Variants in PDE4D observed in about 807,000 individuals in gnomAD.
PDE4D encodes 3',5'-cyclic-AMP phosphodiesterase 4D.
In PDE4D, 24 loss-of-function variants were observed where a neutral mutation model predicts 87.4. That is an observed-to-expected ratio of 0.27 (90% confidence interval 0.20 to 0.39). PDE4D has a LOEUF of 0.39. Ranked by LOEUF, PDE4D falls within the 10% of genes least tolerant of loss-of-function variation. The probability of loss-of-function intolerance (pLI) is 1.00; values close to 1 mark genes in which losing one functional copy is unlikely to be tolerated. For synonymous variants in PDE4D, 384 were observed against 383.2 expected (o/e 1.00, Z -0.02); for missense variants, 714 against 1,041.0 (o/e 0.69, Z 4.32).
intron 1 of PDE4D, among the ~76,000 whole-genome samples, chr5:59,306,437 G>T (rs1771386705): frequency 6.6e-6 from 1 of 152,102 alleles, no homozygotes; most frequent in East Asian, 1.9e-4. Context: ...CATGCTCTTT[G>T]TTGCCTGTAT....
At chr5:59,119,369 C>A (rs367820827) in intron 5 of PDE4D, among the ~76,000 whole-genome samples, 2 of 152,108 alleles carry the variant, frequency 1.3e-5, no homozygotes, top group Non-Finnish European at 2.9e-5. Flanking sequence ...TAGGGGCTAC[C>A]AGCATATGGC....
intron 1 of PDE4D, among the ~76,000 whole-genome samples, chr5:60,209,093 C>T (rs1405139489): frequency 6.6e-6 from 1 of 151,824 alleles, no homozygotes; most frequent in African/African-American, 2.4e-5. Flanking sequence ...GAAGAGAAAT[C>T]TGTGCTGGAA....
chr5:59,797,607 AGGGC>A (rs1766639370), intron 1 of PDE4D, among the ~76,000 whole-genome samples: 1 of 152,144 alleles, frequency 6.6e-6, no homozygotes, highest in African/African-American at 2.4e-5. Flanking sequence ...CCAGAGATAG[AGGGC>A]TGCTGATATT....
intron 2 of PDE4D, among the ~76,000 whole-genome samples, chr5:60,048,343 T>C (rs1769587834): frequency 6.6e-6 from 1 of 152,228 alleles, no homozygotes; most frequent in African/African-American, 2.4e-5. Flanking sequence ...TGTCTTTTAA[T>C]TGGAGCATTT....
rs151170502 is a variant in PDE4D at position 59,748,769 on chromosome 5, G to T, written c.455+144399C>A. Among the ~76,000 whole-genome samples the T allele has an allele frequency of 3.4e-3, 517 of 152,192 alleles. 10 individuals carry two copies. The highest frequency in any genetic ancestry group is 0.03 in the Admixed American group (461 of 15,278). On this transcript the variant is annotated intron_variant, in intron 1 of 14. Transcript: ENST00000340635. ...GTATACATATGTAACAAACCTGCAC[G>T]CTGTGCACATGTTCCCTAGAACTTA...
chr5:59,869,197 T>C (rs1747464767), intron 1 of PDE4D, among the ~76,000 whole-genome samples: 2 of 152,186 alleles, frequency 1.3e-5, no homozygotes, highest in African/African-American at 2.4e-5. Context: ...CAGTAAGCTC[T>C]GAGAGTCCCT....
chr5:59,061,811 A>G (rs1763158200), intron 5 of PDE4D, among the ~76,000 whole-genome samples: 1 of 152,176 alleles, frequency 6.6e-6, no homozygotes, highest in Non-Finnish European at 1.5e-5. Context: ...ATTATGAAAC[A>G]TAAATATCAA....
intron 1 of PDE4D, among the ~76,000 whole-genome samples, chr5:60,303,504 T>C (rs964487852): frequency 1.3e-5 from 2 of 151,904 alleles, no homozygotes; most frequent in African/African-American, 4.8e-5. Context: ...AGACGGGGTT[T>C]CACCGTGTTA....
At chr5:60,111,364 T>G (rs1244237416) in intron 2 of PDE4D, among the ~76,000 whole-genome samples, 1 of 152,036 alleles carries the variant, frequency 6.6e-6, no homozygotes, top group Non-Finnish European at 1.5e-5. Flanking sequence ...AACAATAATA[T>G]TAATGATACT....
At chr5:59,775,515 TTAAA>T (rs1763990969) in intron 1 of PDE4D, among the ~76,000 whole-genome samples, 1 of 151,394 alleles carries the variant, frequency 6.6e-6, no homozygotes, top group African/African-American at 2.5e-5. Context: ...AAAAAAAAAA[TTAAA>T]TAACTTCCTC....
intron 1 of PDE4D, among the ~76,000 whole-genome samples, chr5:59,361,367 A>C (rs1782197914): frequency 6.6e-6 from 1 of 152,208 alleles, no homozygotes; most frequent in African/African-American, 2.4e-5. Flanking sequence ...AATTTGACAC[A>C]ATTTTCTAAC....
intron 6 of PDE4D, among the ~76,000 whole-genome samples, chr5:59,035,214 A>G (rs1758294514): frequency 6.6e-6 from 1 of 152,220 alleles, no homozygotes; most frequent in Non-Finnish European, 1.5e-5. Context: ...CATGTTCTAA[A>G]AATTAGTAAG....
intron 1 of PDE4D, among the ~76,000 whole-genome samples, chr5:59,418,160 C>G (rs1793923289): frequency 6.6e-6 from 1 of 152,164 alleles, no homozygotes; most frequent in South Asian, 2.1e-4. Flanking sequence ...CCACTTCATT[C>G]TTTCATAAGC....
intron 1 of PDE4D, among the ~76,000 whole-genome samples, chr5:59,281,990 T>C (rs561086735): frequency 2.0e-5 from 3 of 152,372 alleles, no homozygotes; most frequent in Non-Finnish European, 4.4e-5. Flanking sequence ...TTGACTTTCA[T>C]AGACAAAGTC....
chr5:59,649,953 G>C (rs572323428), intron 1 of PDE4D, among the ~76,000 whole-genome samples: 29 of 66,232 alleles, frequency 4.4e-4, no homozygotes, highest in African/African-American at 1.5e-3. Context: ...CAATGTCACT[G>C]TAGTGTTTCT....
chr5:60,161,529 C>T (rs1292942890), intron 2 of PDE4D, among the ~76,000 whole-genome samples: 1 of 152,110 alleles, frequency 6.6e-6, no homozygotes, highest in Non-Finnish European at 1.5e-5. Flanking sequence ...TACTCTTCAA[C>T]TGCCCCACCT....
intron 2 of PDE4D, among the ~76,000 whole-genome samples, chr5:60,083,669 T>C (rs1207728975): frequency 6.6e-6 from 1 of 152,176 alleles, no homozygotes; most frequent in African/African-American, 2.4e-5. Context: ...TTAGCCCCAA[T>C]TTGTGTAGCC....
chr5:59,513,731 C>T (rs988415644), intron 1 of PDE4D, among the ~76,000 whole-genome samples: 2 of 152,042 alleles, frequency 1.3e-5, no homozygotes, highest in Non-Finnish European at 2.9e-5. Context: ...TTAAGAAAAA[C>T]CATGAAACAA....
intron 1 of PDE4D, among the ~76,000 whole-genome samples, chr5:60,195,086 C>T (rs762033512): frequency 1.3e-5 from 2 of 151,570 alleles, no homozygotes; most frequent in Non-Finnish European, 3.0e-5. Context: ...TTCCTTTACC[C>T]CATAGCCATG....
Sources: allele counts gnomAD v4.1 joint callset (sites outside exome capture counted in the v4.1 genomes callset), GRCh38; gene constraint gnomAD v4.1.1; transcripts MANE v1.5; gene names NCBI Gene and HGNC (gene_info 2026-07-23, HGNC 2026-07-21).